The following MAP2K4 variants were observed in gnomAD, a reference collection of about 807,000 sequenced individuals.
MAP2K4 encodes the protein mitogen-activated protein kinase kinase 4.
Under a neutral mutation model 48.5 loss-of-function variants are expected in MAP2K4, and 4 were observed. The ratio of observed to expected loss-of-function variants is 0.08; its 90% CI spans 0.04 to 0.19. The LOEUF (loss-of-function observed/expected upper bound fraction) is 0.19, where lower values mean the gene tolerates loss of function less well. Among genes scored for constraint, MAP2K4 ranks in the 10% least tolerant of loss-of-function variants. MAP2K4 has a pLI of 1.00. For missense variants in MAP2K4, 258 were observed against 493.3 expected (o/e 0.52, Z 4.52); for synonymous variants, 166 against 173.1 (o/e 0.96, Z 0.32).
intron 8 of MAP2K4, among the ~76,000 whole-genome samples, chr17:12,126,177 A>G (rs1365991607): frequency 1.3e-5 from 2 of 152,178 alleles, no homozygotes; most frequent in African/African-American, 2.4e-5. Context: ...TTGGGTGGGG[A>G]CACAGAGCCA....
rs137884105 is a variant in MAP2K4, at chr17:12,088,211, A to G, written c.393+6681A>G. Among the ~76,000 whole-genome samples, 869 of 151,868 alleles carry G rather than the reference A, an allele frequency of 5.7e-3. 6 individuals are homozygous for G. Among genetic ancestry groups the G allele is most frequent in the Middle Eastern group, 0.017 (5 of 290 alleles). On this transcript the variant is annotated intron_variant, in intron 3 of 10. Transcript: ENST00000353533. Reference sequence around the variant, plus strand: ...TCCTTGCTCTCCTATCCTCTACATCACTGACTTTGGTTGATCTGATGTCAA... The same window carrying G: ...TCCTTGCTCTCCTATCCTCTACATCGCTGACTTTGGTTGATCTGATGTCAA...
At chr17:12,119,550 A>C (rs1972610099) in intron 7 of MAP2K4, among the ~76,000 whole-genome samples, 1 of 152,268 alleles carries the variant, frequency 6.6e-6, no homozygotes, top group Non-Finnish European at 1.5e-5. Flanking sequence ...AATGTAAATT[A>C]ATTCAACCAT....
chr17:12,125,172 G>T, intron 7 of MAP2K4, 122 bp from the exon 8 acceptor site: 1 of 707,846 alleles, frequency 1.4e-6, no homozygotes, highest in Non-Finnish European at 2.6e-6. Flanking sequence ...CCATTCTGAC[G>T]CTAGACATGG....
chr17:12,141,435 A>G lies in MAP2K4; in HGVS notation c.*175A>G, dbSNP rs1973374470. The G allele has an allele frequency of 4.9e-6, 3 of 614,846 alleles. No homozygotes were observed. The highest frequency in any genetic ancestry group is 8.7e-6 in the Non-Finnish European group (3 of 343,374). 38.1% of individuals were successfully genotyped at this position (614,846 alleles called of 1,614,324 possible). A position where few individuals can be genotyped will look rare whatever the true frequency, so the allele number is the denominator to read the frequency against. The stretch of plus-strand genomic sequence containing the variant: ...GTCACCTAGAACGTGCATCCTTGTA[A>G]TACCTGATTGATCACACAGTGTTAG... On this transcript the variant is annotated 3_prime_UTR_variant, in exon 11 of 11. Transcript: ENST00000353533.
At chr17:12,023,141 T>TAATCA (rs1969144240) in intron 1 of MAP2K4, among the ~76,000 whole-genome samples, 1 of 152,224 alleles carries the variant, frequency 6.6e-6, no homozygotes, top group Non-Finnish European at 1.5e-5. Context: ...TAGTCTTGAT[T>TAATCA]GATTCAGGAA....
intron 9 of MAP2K4, among the ~76,000 whole-genome samples, chr17:12,133,325 G>A (rs1361834470): frequency 7.2e-5 from 11 of 152,132 alleles, no homozygotes; most frequent in South Asian, 6.2e-4. Flanking sequence ...CAAGTAATCC[G>A]CCCGCTTCAG....
chr17:12,042,167 CAAAAA>C (rs71142262), intron 1 of MAP2K4, among the ~76,000 whole-genome samples: 2 of 55,384 alleles, frequency 3.6e-5, no homozygotes, highest in African/African-American at 6.9e-5. Context: ...AACTTTGTCT[CAAAAA>C]AAAAAAAAAA....
chr17:12,134,368 G>A (rs780826473), intron 9 of MAP2K4, among the ~76,000 whole-genome samples: 73 of 152,152 alleles, frequency 4.8e-4, no homozygotes, highest in Admixed American at 2.4e-3. Context: ...TGTAAGGAGG[G>A]AATAATTTGA....
chr17:12,033,197 T>C (rs1213049694), intron 1 of MAP2K4, among the ~76,000 whole-genome samples: 1 of 152,108 alleles, frequency 6.6e-6, no homozygotes, highest in East Asian at 1.9e-4. Context: ...AAAAATCTCA[T>C]CTCAAGGAGA....
At chr17:12,136,671 A>C (rs561919167) in intron 9 of MAP2K4, among the ~76,000 whole-genome samples, 949 of 63,542 alleles carry the variant, frequency 0.015, 2 homozygotes, top group East Asian at 0.13. Context: ...AATTCAGAAA[A>C]AGAAGACAGT....
chr17:12,025,449 G>A (rs186444022), intron 1 of MAP2K4, among the ~76,000 whole-genome samples: 26 of 152,246 alleles, frequency 1.7e-4, no homozygotes, highest in Admixed American at 1.7e-3. Context: ...TTCAAAGATC[G>A]CTTAGCTGAG....
In MAP2K4 at chr17:12,020,940, C is replaced by A. The variant is rs1169380060; in HGVS notation, c.54C>A (p.Ser18Arg). 31 of 1,217,146 alleles carry A rather than the reference C, an allele frequency of 2.5e-5. No individual in the cohort carries two copies. The highest frequency in any genetic ancestry group is 2.2e-5 in the Non-Finnish European group (22 of 978,788). The allele number at this position is 1,217,146 out of a possible 1,614,324, so 75.4% of individuals were successfully genotyped here. Residue 18 changes from serine (S) to arginine (R), a missense_variant, in exon 1 of 11, where the codon AGC becomes AGA. By Grantham distance (110) the Ser-to-Arg change is moderately radical. Transcript: ENST00000353533. ...GGGGSGGGSG[S>R]GTPGPVGSPA... ...GCGGCTCCGGGGGCGGCAGCGGCAG[C>A]GGCACCCCCGGCCCCGTAGGGTCCC...
At chr17:12,051,761 T>C (rs1029287569) in intron 1 of MAP2K4, among the ~76,000 whole-genome samples, 4 of 152,158 alleles carry the variant, frequency 2.6e-5, no homozygotes, top group Admixed American at 2.6e-4. Context: ...TTGCTTGTAA[T>C]TTTTTGTCAT....
chr17:12,059,975 C>T (rs1970397952), intron 2 of MAP2K4, among the ~76,000 whole-genome samples: 2 of 152,090 alleles, frequency 1.3e-5, no homozygotes, highest in East Asian at 1.9e-4. Flanking sequence ...CCAAGAAGTT[C>T]GAGACCAGGC....
At position 12,021,259 on chromosome 17, in the gene MAP2K4, G is replaced by GC. The variant is rs1053518151; in HGVS notation, c.115+261dup. On this transcript the variant is annotated intron_variant, in intron 1 of 10. Coordinates refer to ENST00000353533, the MANE Select transcript of MAP2K4 (RefSeq NM_003010.4). ...CTGGGCCCTACCGGGCTCTCAGCAG[G>GC]CCCGCAGGGCCCACCTGGTCCGGGA... 4.7e-3 allele frequency: 1,193 copies of GC among 251,468 alleles called. 16 individuals are homozygous for GC. The highest frequency in any genetic ancestry group is 0.026 in the African/African-American group (1,131 of 44,230). The allele number at this position is 251,468 out of a possible 1,614,324, so 15.6% of individuals were successfully genotyped here.
At chr17:12,134,809 C>T (rs1274868518) in intron 9 of MAP2K4, among the ~76,000 whole-genome samples, 1 of 152,206 alleles carries the variant, frequency 6.6e-6, no homozygotes, top group African/African-American at 2.4e-5. Context: ...ACAGCTATAA[C>T]AGGAGGAATG....
At chr17:12,083,326 G>A (rs566024520) in intron 3 of MAP2K4, among the ~76,000 whole-genome samples, 48 of 152,302 alleles carry the variant, frequency 3.2e-4, no homozygotes, top group African/African-American at 1.1e-3. Context: ...ATGAAAATAG[G>A]AAATTGTTGT....
At chr17:12,072,773 A>C (rs775429810) in intron 2 of MAP2K4, among the ~76,000 whole-genome samples, 1 of 152,202 alleles carries the variant, frequency 6.6e-6, no homozygotes, top group South Asian at 2.1e-4. Context: ...AAATGTGTCT[A>C]TACATAAAAT....
chr17:12,121,574 CA>C (rs10569548), intron 7 of MAP2K4, among the ~76,000 whole-genome samples: 26,738 of 101,392 alleles, frequency 0.26, 1,761 homozygotes, highest in Middle Eastern at 0.34. Context: ...GACTCCGTCT[CA>C]AAAAAAAAAA....
Sources: allele counts gnomAD v4.1 joint callset (sites outside exome capture counted in the v4.1 genomes callset), GRCh38; gene constraint gnomAD v4.1.1; transcripts MANE v1.5; gene names NCBI Gene and HGNC (gene_info 2026-07-23, HGNC 2026-07-21).